Variants in ZYG11B observed in about 807,000 individuals in gnomAD.
ZYG11B encodes the protein protein zyg-11 homolog B.
Under a neutral mutation model 82.4 loss-of-function variants are expected in ZYG11B, and 36 were observed. That is an observed-to-expected ratio of 0.44 (90% CI 0.33 to 0.58). ZYG11B has a LOEUF of 0.58. Among genes scored for constraint, ZYG11B ranks in the 20% least tolerant of loss-of-function variants. The probability of loss-of-function intolerance (pLI) is 0.02; values close to 1 mark genes in which losing one functional copy is unlikely to be tolerated. For synonymous variants in ZYG11B, 303 were observed against 312.8 expected, an observed-to-expected ratio of 0.97 and a Z score of 0.33; for missense variants, 552 against 895.6, an observed-to-expected ratio of 0.62 and a Z score of 4.90.
intron 2 of ZYG11B, among the ~76,000 whole-genome samples, chr1:52,760,542 A>C (rs936114002): frequency 6.6e-6 from 1 of 152,184 alleles, no homozygotes; most frequent in African/African-American, 2.4e-5. Context: ...ATACATTTAA[A>C]ATTTTTTTAC....
chr1:52,817,951 C>T (rs1315169084), intron 13 of ZYG11B, among the ~76,000 whole-genome samples: 2 of 146,340 alleles, frequency 1.4e-5, no homozygotes, highest in East Asian at 2.0e-4. Flanking sequence ...GATTCTCTTG[C>T]CTCAACCTCC....
At position 52,825,000 on chromosome 1, in the gene ZYG11B, T is replaced by C. The variant is rs1249985954; in HGVS notation, c.*3371T>C. 2.0e-5 allele frequency: 3 copies of C among 152,124 alleles called. No homozygotes were observed. The highest frequency in any genetic ancestry group is 7.2e-5 in the African/African-American group (3 of 41,436). 9.4% of individuals were successfully genotyped at this position (152,124 alleles called of 1,614,324 possible). ...GGTGGGCTCCAATGTAAAATATCAC[T>C]ACATCAGTCCACAAGCAACATTAAG... On this transcript the variant is annotated 3_prime_UTR_variant, in exon 14 of 14. Transcript: ENST00000294353.
intron 2 of ZYG11B, among the ~76,000 whole-genome samples, chr1:52,770,083 TA>T (rs1644735139): frequency 2.8e-5 from 2 of 72,648 alleles, no homozygotes; most frequent in South Asian, 5.2e-4. Flanking sequence ...TATATATATA[TA>T]TATATATATT....
intron 1 of ZYG11B, among the ~76,000 whole-genome samples, chr1:52,733,139 A>C (rs892119808): frequency 6.6e-6 from 1 of 152,206 alleles, no homozygotes; most frequent in Non-Finnish European, 1.5e-5. Context: ...AGTCATTTTC[A>C]GAGTATCTTG....
intron 1 of ZYG11B, among the ~76,000 whole-genome samples, chr1:52,740,650 G>A (rs1408755366): frequency 6.9e-6 from 1 of 145,486 alleles, no homozygotes; most frequent in Non-Finnish European, 1.5e-5. Context: ...TGCGACCTCC[G>A]CCTCCGGGGT....
chr1:52,751,748 G>A (rs1644526327), intron 1 of ZYG11B, among the ~76,000 whole-genome samples: 1 of 152,120 alleles, frequency 6.6e-6, no homozygotes, highest in Non-Finnish European at 1.5e-5. Flanking sequence ...CTAATGAGTT[G>A]ACTGGTGTCC....
chr1:52,735,644 C>G (rs1298747689), intron 1 of ZYG11B, among the ~76,000 whole-genome samples: 1 of 152,084 alleles, frequency 6.6e-6, no homozygotes, highest in Non-Finnish European at 1.5e-5. Flanking sequence ...TCAAGTGATT[C>G]TCCTGCCTCA....
intron 1 of ZYG11B, among the ~76,000 whole-genome samples, chr1:52,729,169 C>G (rs974573979): frequency 3.9e-5 from 6 of 152,128 alleles, no homozygotes; most frequent in Non-Finnish European, 8.8e-5. Context: ...CACATGGTGG[C>G]AGGGGCCAGG....
Position 52,726,588 on chromosome 1 carries a change from C to T in ZYG11B, c.-66C>T. ...CGCTCGCCGGAGCCTCCTGGAGCCT[C>T]CGCGCCGGCTCAGCCTGGGGGCGGG... On this transcript the variant is annotated 5_prime_UTR_variant, in exon 1 of 14. Coordinates refer to ENST00000294353, the MANE Select transcript of ZYG11B (RefSeq NM_024646.3). 3.7e-6 allele frequency: 5 copies of T among 1,362,364 alleles called. No individual in the cohort carries two copies. In the East Asian group the frequency reaches 1.2e-4, roughly 34 times the overall value. The allele number at this position is 1,362,364 out of a possible 1,614,324, so 84.4% of individuals were successfully genotyped here.
Position 52,771,893 on chromosome 1 carries a change from A to T in ZYG11B, c.951+119A>T, listed in dbSNP as rs182255974. 3 of 1,241,878 alleles carry T rather than the reference A, an allele frequency of 2.4e-6. No individual in the cohort carries two copies. In the Admixed American group the frequency reaches 7.2e-5, roughly 30 times the overall value. The allele number at this position is 1,241,878 out of a possible 1,614,324, so 76.9% of individuals were successfully genotyped here. A position where few individuals can be genotyped will look rare whatever the true frequency, so the allele number is the denominator to read the frequency against. ...ATGTTCATGAAACAGGGCTGCATAT[A>T]GTTGAAAGGCTTAGAGTCCTAATTA... is the stretch of plus-strand genomic sequence containing the variant. On this transcript the variant is annotated intron_variant, in intron 3 of 13. Coordinates refer to ENST00000294353, the MANE Select transcript of ZYG11B (RefSeq NM_024646.3). This position sits in a 1 kb window ranked among gnomAD's most constrained non-coding sequence, Gnocchi z 5.4.
intron 4 of ZYG11B, among the ~76,000 whole-genome samples, chr1:52,783,920 A>G (rs1293062944): frequency 1.8e-5 from 1 of 55,986 alleles, no homozygotes; most frequent in Non-Finnish European, 3.3e-5. Flanking sequence ...ATCTATACAT[A>G]TATGTGTATA....
intron 10 of ZYG11B, among the ~76,000 whole-genome samples, chr1:52,803,598 A>G (rs1373176271): frequency 6.6e-6 from 1 of 151,882 alleles, no homozygotes; most frequent in African/African-American, 2.4e-5. Flanking sequence ...AGCATGTTTT[A>G]CTTTTTTAAA....
intron 1 of ZYG11B, among the ~76,000 whole-genome samples, chr1:52,750,757 T>C (rs558208605): frequency 2.6e-4 from 40 of 152,272 alleles, no homozygotes; most frequent in African/African-American, 8.4e-4. Flanking sequence ...GCATTCACTT[T>C]CCATTTTCTT....
intron 1 of ZYG11B, among the ~76,000 whole-genome samples, chr1:52,736,834 C>T (rs1396843928): frequency 6.6e-6 from 1 of 152,136 alleles, no homozygotes. Flanking sequence ...AGTGATCTGC[C>T]CCCTTTGGCC....
At chr1:52,741,298 C>CAAAAAAAAAAAAAAAAAAAAAAAA (rs770092920) in intron 1 of ZYG11B, among the ~76,000 whole-genome samples, 1 of 72,220 alleles carries the variant, frequency 1.4e-5, no homozygotes, top group African/African-American at 4.5e-5. Context: ...GACTTCGTCT[C>CAAAAAAAAAAAAAAAAAAAAAAAA]AAAAAAAAAA....
chr1:52,821,295 A>T (rs12731800), intron 13 of ZYG11B, 144 bp from the exon 14 acceptor site: 1 of 717,698 alleles, frequency 1.4e-6, no homozygotes, highest in Non-Finnish European at 2.2e-6. Context: ...GAGGTTATTT[A>T]TCAAGCTGTA....
intron 10 of ZYG11B, among the ~76,000 whole-genome samples, chr1:52,807,138 A>G (rs1266228987): frequency 6.6e-6 from 1 of 151,776 alleles, no homozygotes; most frequent in Non-Finnish European, 1.5e-5. Context: ...AAGTGCTGGG[A>G]TTACAGACTC....
intron 2 of ZYG11B, among the ~76,000 whole-genome samples, chr1:52,769,782 C>T (rs1644730475): frequency 6.6e-6 from 1 of 152,172 alleles, no homozygotes; most frequent in African/African-American, 2.4e-5. Context: ...AGCTAAGATG[C>T]CGCCTTAGAG....
chr1:52,803,525 AG>A (rs1645116224), intron 10 of ZYG11B, among the ~76,000 whole-genome samples: 1 of 151,138 alleles, frequency 6.6e-6, no homozygotes, highest in African/African-American at 2.4e-5. Flanking sequence ...CCACATTAAA[AG>A]GAAAAATATA....
Sources: gnomAD v4.1 joint callset for allele counts (sites outside exome capture counted in the v4.1 genomes callset) on GRCh38, gnomAD v4.1.1 for gene constraint, Gnocchi (gnomAD v3.1) non-coding constraint, MANE v1.5 for transcripts, NCBI Gene and HGNC (gene_info 2026-07-23, HGNC 2026-07-21) for gene names.